The following PPOX variants were observed in gnomAD, a reference collection of about 807,000 sequenced individuals.
The protein encoded by PPOX is variegate porphyria.
In PPOX, 23 loss-of-function variants were observed where a neutral mutation model predicts 54.1. That is an observed-to-expected ratio of 0.43 (90% CI 0.31 to 0.60). The LOEUF (loss-of-function observed/expected upper bound fraction) is 0.60. PPOX is among the 20% of genes least tolerant of loss of function. PPOX has a pLI of 0.13. For synonymous variants in PPOX, 224 were observed against 236.1 expected, an observed-to-expected ratio of 0.95 and a Z score of 0.47; for missense variants, 512 against 601.1, an observed-to-expected ratio of 0.85 and a Z score of 1.55.
downstream of PPOX, chr1:161,177,142 ACAGT>A (rs1238782297): frequency 2.3e-5 from 33 of 1,454,560 alleles, no homozygotes; most frequent in African/African-American, 8.4e-5. Context: ...AGGGGCAGAG[ACAGT>A]CAGGGGTGGC....
intron 5 of PPOX, 74 bp from the exon 6 acceptor site, chr1:161,168,358 T>C: frequency 6.3e-7 from 1 of 1,596,290 alleles, no homozygotes; most frequent in East Asian, 2.3e-5. Flanking sequence ...CCTCATTCCC[T>C]ACCAAATAGG....
chr1:161,177,192 G>C (rs1195361968), downstream of PPOX: 2 of 952,104 alleles, frequency 2.1e-6, no homozygotes, highest in East Asian at 5.3e-5. Flanking sequence ...GGTCCGCGCT[G>C]TGGAGGGGGT....
chr1:161,169,272 G>A, intron 7 of PPOX, 89 bp downstream of exon 7: 1 of 1,465,910 alleles, frequency 6.8e-7, no homozygotes, highest in Non-Finnish European at 9.4e-7. Context: ...TAGGACTGGA[G>A]TTCCTCATTG....
chr1:161,169,603 C>CT, intron 7 of PPOX, 57 bp from the exon 8 acceptor site: 3 of 1,567,162 alleles, frequency 1.9e-6, no homozygotes, highest in Middle Eastern at 1.7e-4. Context: ...CCAGAAGTCT[C>CT]TTTTCACTCA....
intron 9 of PPOX, 40 bp from the exon 10 acceptor site, chr1:161,170,369 G>A: frequency 8.4e-7 from 1 of 1,185,178 alleles, no homozygotes; most frequent in Non-Finnish European, 1.2e-6. Context: ...GCCTCAGCTA[G>A]AGCCCTTTCC....
In PPOX at chr1:161,170,901, TCTC is replaced by T; in HGVS notation, c.1249-5_1249-3del. 1 of 1,614,056 alleles carries T rather than the reference TCTC, an allele frequency of 6.2e-7. No individual in the cohort carries two copies. Among genetic ancestry groups the T allele is most frequent in the Non-Finnish European group, 8.5e-7 (1 of 1,180,014 alleles). On this transcript the variant is annotated splice_region_variant and splice_polypyrimidine_tract_variant and intron_variant, in intron 11 of 12. Coordinates refer to ENST00000367999, the MANE Select transcript of PPOX (RefSeq NM_001122764.3). Reference sequence around the variant, plus strand: ...CTTTTCCCTGCATCCTCTCCTCTCTTCTCAGAACTGCATTCCCCAGTATACACT... The same window carrying T: ...CTTTTCCCTGCATCCTCTCCTCTCTTAGAACTGCATTCCCCAGTATACACT...
chr1:161,166,774 C>G, intron 1 of PPOX, 66 bp from the exon 2 acceptor site: 1 of 1,597,918 alleles, frequency 6.3e-7, no homozygotes, highest in East Asian at 2.2e-5. Context: ...GAACTCAAAA[C>G]CGGCGGGGCT....
At position 161,169,011 on chromosome 1, in the gene PPOX, A is replaced by C. The variant is rs1455740400; in HGVS notation, c.635A>C (p.Asp212Ala). ...LLGAGRTPQP[D>A]SALIRQALAE... ...TCTGCAGGGCGGACCCCACAGCCAG[A>C]CTCAGCACTCATTCGCCAGGCCTTG... The change falls in exon 7 of 13, where the codon GAC becomes GCC. Residue 212 changes from aspartate to alanine, a missense_variant. Physicochemically the swap from Asp to Ala is moderately radical, Grantham distance 126. Transcript: ENST00000367999. 1 of 1,613,982 alleles carries C rather than the reference A, an allele frequency of 6.2e-7. No homozygotes were observed. Among genetic ancestry groups the C allele is most frequent in the Non-Finnish European group, 8.5e-7 (1 of 1,180,044 alleles).
chr1:161,174,604 C>G (rs1261478930), downstream of PPOX, among the ~76,000 whole-genome samples: 1 of 152,144 alleles, frequency 6.6e-6, no homozygotes, highest in Admixed American at 6.5e-5. Context: ...TGGCAACCAA[C>G]AATGGTGTGG....
intron 5 of PPOX, 140 bp downstream of exon 5, chr1:161,168,267 C>T (rs1313646936): frequency 6.4e-7 from 1 of 1,552,570 alleles, no homozygotes; most frequent in Non-Finnish European, 8.9e-7. Flanking sequence ...CTCATAATTC[C>T]CAAAACTCAT....
downstream of PPOX, chr1:161,174,035 T>C (rs1262136777): frequency 2.5e-6 from 4 of 1,613,876 alleles, no homozygotes; most frequent in South Asian, 1.1e-5. Flanking sequence ...CCCTGTTAAA[T>C]GTTCCATTTC....
In PPOX at chr1:161,170,949, G is replaced by A; in HGVS notation, c.1291G>A (p.Glu431Lys). ...TACACTAGGTCACTGGCAAAAACTA[G>A]GTAAGTTGGGAAAACAGCTGGGCTG... Reference protein sequence around the residue: ...QYTLGHWQKLESARQFLTAHR... With the variant: ...QYTLGHWQKLKSARQFLTAHR... The change falls in exon 12 of 13, where the codon GAG becomes AAG. Residue 431 changes from glutamate (E) to lysine (K), a missense_variant and splice_region_variant. Coordinates refer to ENST00000367999, the MANE Select transcript of PPOX (RefSeq NM_001122764.3). 1.2e-6 allele frequency: 2 copies of A among 1,614,094 alleles called. No homozygotes were observed. Among genetic ancestry groups the A allele is most frequent in the Non-Finnish European group, 1.7e-6 (2 of 1,180,032 alleles).
chr1:161,168,159 C>G, intron 5 of PPOX, 32 bp downstream of exon 5: 1 of 1,614,126 alleles, frequency 6.2e-7, no homozygotes, highest in Non-Finnish European at 8.5e-7. Context: ...CAAACCTCTT[C>G]CCTCCTAAAC....
chr1:161,169,474 C>T, intron 7 of PPOX, 186 bp from the exon 8 acceptor site: 3 of 741,468 alleles, frequency 4.0e-6, no homozygotes, highest in Non-Finnish European at 4.7e-6. Context: ...GGTCCACTTC[C>T]TGGAGTACAC....
Position 161,168,141 on chromosome 1 carries a change from A to C in PPOX, c.471+14A>C. The stretch of plus-strand genomic sequence containing the variant: ...CTTGGACCTGAGGTGACACTTGCCC[A>C]GAGGCCCCAAACCTCTTCCCTCCTA... On this transcript the variant is annotated intron_variant, in intron 5 of 12. Coordinates refer to ENST00000367999, the MANE Select transcript of PPOX (RefSeq NM_001122764.3). 6.2e-7 allele frequency: 1 copy of C among 1,614,152 alleles called. No individual in the cohort carries two copies. Among genetic ancestry groups the C allele is most frequent in the Non-Finnish European group, 8.5e-7 (1 of 1,180,014 alleles).
chr1:161,166,061 G>T, upstream of PPOX: 1 of 980,372 alleles, frequency 1.0e-6, no homozygotes, highest in Non-Finnish European at 1.2e-6. Flanking sequence ...ACATCAAGGA[G>T]CTGTTTATGG....
downstream of PPOX, chr1:161,172,298 G>A: frequency 6.2e-7 from 1 of 1,614,026 alleles, no homozygotes; most frequent in Non-Finnish European, 8.5e-7. Flanking sequence ...CAGATGTGGG[G>A]GGCCGAGAGA....
chr1:161,177,606 A>T (rs1265284177), downstream of PPOX: 1 of 158,366 alleles, frequency 6.3e-6, no homozygotes, highest in Non-Finnish European at 1.4e-5. Context: ...CTTGTGAGGG[A>T]GCAGCGCCTG....
chr1:161,166,694 G>A, intron 1 of PPOX, 22 bp downstream of exon 1: 1 of 1,522,996 alleles, frequency 6.6e-7, no homozygotes, highest in Admixed American at 2.0e-5. Flanking sequence ...CCCCTGGACG[G>A]GGACCTCGCT....
Sources: allele counts gnomAD v4.1 joint callset (sites outside exome capture counted in the v4.1 genomes callset), GRCh38; gene constraint gnomAD v4.1.1; transcripts MANE v1.5; gene names NCBI Gene and HGNC (gene_info 2026-07-23, HGNC 2026-07-21).